Variants in TEK observed in about 807,000 individuals in gnomAD.
TEK encodes TEK receptor tyrosine kinase.
In TEK, 43 loss-of-function variants were observed where a neutral mutation model predicts 131.8. The observed-to-expected ratio is 0.33, with a 90% CI of 0.26 to 0.42. TEK has a LOEUF of 0.42. Ranked by LOEUF, TEK falls within the 10% of genes least tolerant of loss-of-function variation. The probability of loss-of-function intolerance (pLI) is 1.00; values close to 1 mark genes in which losing one functional copy is unlikely to be tolerated. For synonymous variants in TEK, 580 were observed against 491.6 expected, an observed-to-expected ratio of 1.18 and a Z score of -2.38; for missense variants, 1,162 against 1,384.4, an observed-to-expected ratio of 0.84 and a Z score of 2.55.
In TEK at chr9:27,202,802, T is replaced by C. The variant is rs1269226218; in HGVS notation, c.1910-18T>C. ...GGTAGTATATCTTAAGTGAATCTTT[T>C]TTCTTTTTAATTTCTAGTTCTTCCT... On this transcript the variant is annotated intron_variant, in intron 12 of 22. Transcript: ENST00000380036. 1 of 1,612,388 alleles carries C rather than the reference T, an allele frequency of 6.2e-7. No individual in the cohort carries two copies. The highest frequency in any genetic ancestry group is 8.5e-7 in the Non-Finnish European group (1 of 1,178,662).
At chr9:27,174,589 C>A (rs1423215094) in intron 6 of TEK, among the ~76,000 whole-genome samples, 1 of 152,088 alleles carries the variant, frequency 6.6e-6, no homozygotes, top group Non-Finnish European at 1.5e-5. Flanking sequence ...GTTCCATAGC[C>A]ACACGTGGCT....
intron 21 of TEK, among the ~76,000 whole-genome samples, chr9:27,220,938 A>C (rs947899892): frequency 7.2e-5 from 11 of 151,796 alleles, no homozygotes; most frequent in South Asian, 2.1e-4. Context: ...AGAACTATTC[A>C]CTCCCCTGGA....
chr9:27,205,074 T>C lies in TEK; in HGVS notation c.2364+9T>C. ...AAGCCTTCCAAAACGTGGTAGTGTC[T>C]CATCTTCCTACTAGCTAATAAGGGC... On this transcript the variant is annotated intron_variant, in intron 14 of 22. Transcript: ENST00000380036. The C allele has an allele frequency of 2.5e-6, 4 of 1,613,904 alleles. No homozygotes were observed. Among genetic ancestry groups the C allele is most frequent in the Non-Finnish European group, 3.4e-6 (4 of 1,179,820 alleles).
intron 21 of TEK, among the ~76,000 whole-genome samples, chr9:27,223,246 G>T (rs2131255148): frequency 6.6e-6 from 1 of 152,128 alleles, no homozygotes; most frequent in East Asian, 1.9e-4. Flanking sequence ...GGATATTCAG[G>T]ACTTGAATTC....
At position 27,229,677 on chromosome 9, in the gene TEK, A is replaced by C. The variant is rs188713985; in HGVS notation, c.*445A>C. 5.5e-6 allele frequency: 1 copy of C among 182,858 alleles called. No individual in the cohort carries two copies. Among genetic ancestry groups the C allele is most frequent in the Non-Finnish European group, 1.2e-5 (1 of 85,218 alleles). The allele number at this position is 182,858 out of a possible 1,614,324, so 11.3% of individuals were successfully genotyped here. A position where few individuals can be genotyped will look rare whatever the true frequency, so the allele number is the denominator to read the frequency against. On this transcript the variant is annotated 3_prime_UTR_variant, in exon 23 of 23. Coordinates refer to ENST00000380036, the MANE Select transcript of TEK (RefSeq NM_000459.5). ...ATAGTACAGGTTAAGTGAGAGAACT[A>C]TATGAATTCTAACAAGTCATAGGTT...
chr9:27,220,616 A>C (rs569337403), intron 21 of TEK, among the ~76,000 whole-genome samples: 14 of 152,264 alleles, frequency 9.2e-5, no homozygotes, highest in Non-Finnish European at 2.1e-4. Flanking sequence ...GGCTCATCTC[A>C]TAGGGACTGG....
At chr9:27,184,207 G>C (rs1486038690) in intron 8 of TEK, among the ~76,000 whole-genome samples, 1 of 152,104 alleles carries the variant, frequency 6.6e-6, no homozygotes, top group Non-Finnish European at 1.5e-5. Flanking sequence ...CTTCATTGCT[G>C]ATGCTCACCC....
At chr9:27,175,135 C>A (rs1156759774) in intron 6 of TEK, among the ~76,000 whole-genome samples, 1 of 105,594 alleles carries the variant, frequency 9.5e-6, no homozygotes, top group African/African-American at 3.6e-5. Flanking sequence ...TATCCCTCCC[C>A]CCTCCCCCCA....
intron 1 of TEK, among the ~76,000 whole-genome samples, chr9:27,157,384 A>T (rs1823373388): frequency 6.6e-6 from 1 of 152,136 alleles, no homozygotes; most frequent in Non-Finnish European, 1.5e-5. Context: ...TAAAAATGAG[A>T]ATCTATAAGG....
chr9:27,221,961 C>A (rs1409374876), intron 21 of TEK, among the ~76,000 whole-genome samples: 1 of 152,156 alleles, frequency 6.6e-6, no homozygotes, highest in African/African-American at 2.4e-5. Flanking sequence ...CGAGCATGTT[C>A]TAACCCAATG....
At chr9:27,140,111 T>C (rs1822667437) in intron 1 of TEK, among the ~76,000 whole-genome samples, 1 of 152,208 alleles carries the variant, frequency 6.6e-6, no homozygotes, top group Non-Finnish European at 1.5e-5. Flanking sequence ...AATTTCACCT[T>C]TGAGCAACAC....
At chr9:27,131,261 C>G (rs1016033162) in intron 1 of TEK, among the ~76,000 whole-genome samples, 15 of 151,862 alleles carry the variant, frequency 9.9e-5, no homozygotes, top group Non-Finnish European at 1.8e-4. Flanking sequence ...GCTGGCAGAT[C>G]ACTTAAGGTC....
At chr9:27,213,626 A>G (rs1387162626) in intron 18 of TEK, 29 bp downstream of exon 18, 4 of 1,545,114 alleles carry the variant, frequency 2.6e-6, no homozygotes, top group African/African-American at 2.7e-5. Context: ...CACTGATCGC[A>G]TCCTTTCCGA....
chr9:27,224,074 CCCAGTCGAAGA>C (rs1392363416), intron 21 of TEK, among the ~76,000 whole-genome samples: 1 of 152,176 alleles, frequency 6.6e-6, no homozygotes, highest in African/African-American at 2.4e-5. Context: ...GAAGTCGAAT[CCCAGTCGAAGA>C]CCAGTAACAA....
chr9:27,186,740 G>C (rs1824612645), intron 9 of TEK, among the ~76,000 whole-genome samples: 1 of 152,116 alleles, frequency 6.6e-6, no homozygotes, highest in Non-Finnish European at 1.5e-5. Context: ...TTTGTATTTG[G>C]CCCCCTTTCG....
chr9:27,135,167 TGAGCC>T (rs1466491611), intron 1 of TEK, among the ~76,000 whole-genome samples: 10 of 150,688 alleles, frequency 6.6e-5, no homozygotes, highest in Non-Finnish European at 1.5e-5. Context: ...GAGGTTGCAG[TGAGCC>T]GAGATCGTGC....
rs375562570 is a variant in TEK, at chr9:27,163,621, A to G, written c.365-4874A>G. 5.3e-5 allele frequency among the ~76,000 whole-genome samples: 8 copies of G among 152,290 alleles called. No homozygotes were observed. In the East Asian group the frequency reaches 5.8e-4, roughly 11 times the overall value. ...TGGACCTGGAGAATGATAAGTCTGGAGAACTAGGGGTGGAGGTCTTGAGTT... is the reference window on the plus strand; with the variant it reads ...TGGACCTGGAGAATGATAAGTCTGGGGAACTAGGGGTGGAGGTCTTGAGTT... On this transcript the variant is annotated intron_variant, in intron 2 of 22. Coordinates refer to ENST00000380036, the MANE Select transcript of TEK (RefSeq NM_000459.5).
At chr9:27,185,905 A>G (rs1587567811) in intron 9 of TEK, among the ~76,000 whole-genome samples, 2 of 152,252 alleles carry the variant, frequency 1.3e-5, no homozygotes, top group African/African-American at 2.4e-5. Flanking sequence ...GTGTCTCTGT[A>G]TTTGCAAATG....
intron 1 of TEK, among the ~76,000 whole-genome samples, chr9:27,152,632 G>C (rs1028919698): frequency 1.4e-5 from 2 of 147,526 alleles, no homozygotes; most frequent in Non-Finnish European, 3.0e-5. Flanking sequence ...AAGTTGAGTA[G>C]CTCACTGGGA....
Sources: gnomAD v4.1 joint callset for allele counts (sites outside exome capture counted in the v4.1 genomes callset) on GRCh38, gnomAD v4.1.1 for gene constraint, MANE v1.5 for transcripts, NCBI Gene and HGNC (gene_info 2026-07-23, HGNC 2026-07-21) for gene names.